DCTN4: variants seen among roughly 807,000 people sequenced by gnomAD.
DCTN4 encodes the protein dynactin subunit 4.
DCTN4 carries 23 observed loss-of-function variants against 62.7 expected under a neutral mutation model. That is an observed-to-expected ratio of 0.37 (90% CI 0.26 to 0.52). The LOEUF (loss-of-function observed/expected upper bound fraction) is 0.52, where lower values mean the gene tolerates loss of function less well. Ranked by LOEUF, DCTN4 falls within the 20% of genes least tolerant of loss-of-function variation. The pLI, the probability that DCTN4 is intolerant of heterozygous loss-of-function variation, is 0.92. For missense variants in DCTN4, 514 were observed against 580.4 expected (o/e 0.89, Z 1.18); for synonymous variants, 199 against 202.1 (o/e 0.98, Z 0.13).
intron 1 of DCTN4, among the ~76,000 whole-genome samples, chr5:150,757,718 T>C (rs1752913384): frequency 6.6e-6 from 1 of 152,250 alleles, no homozygotes; most frequent in Non-Finnish European, 1.5e-5. Context: ...ATTTAATTGC[T>C]TTTCTTGACT....
Position 150,727,700 on chromosome 5 carries a change from C to T in DCTN4, c.834+2931G>A, listed in dbSNP as rs1044145803. ...CTGAGGCAGGAGAATGGCGTGAACC[C>T]GGGAGGCGGAGCTTGCAGTGAGCCG... On this transcript the variant is annotated intron_variant, in intron 8 of 12. Coordinates refer to ENST00000447998, the MANE Select transcript of DCTN4 (RefSeq NM_016221.4). Among the ~76,000 whole-genome samples, 8 of 146,810 alleles carry T rather than the reference C, an allele frequency of 5.4e-5. No individual in the cohort carries two copies. The South Asian group carries it at 6.5e-4, about 12-fold the overall frequency.
intron 8 of DCTN4, among the ~76,000 whole-genome samples, chr5:150,730,116 G>C (rs1013471247): frequency 6.6e-6 from 1 of 152,090 alleles, no homozygotes; most frequent in Admixed American, 6.6e-5. Flanking sequence ...GCTATCATGC[G>C]GGACTGTACA....
At chr5:150,750,447 T>C (rs1382464647) in intron 3 of DCTN4, among the ~76,000 whole-genome samples, 1 of 152,206 alleles carries the variant, frequency 6.6e-6, no homozygotes, top group Non-Finnish European at 1.5e-5. Flanking sequence ...ACTGGCAATT[T>C]TACTTCTAGT....
intron 3 of DCTN4, among the ~76,000 whole-genome samples, chr5:150,743,597 A>T (rs1421558448): frequency 1.3e-5 from 2 of 152,162 alleles, no homozygotes; most frequent in East Asian, 3.9e-4. Flanking sequence ...CTCCTCTGAG[A>T]CAAAACTTCC....
At chr5:150,713,408 T>C (rs749009203) in intron 12 of DCTN4, among the ~76,000 whole-genome samples, 32 of 151,936 alleles carry the variant, frequency 2.1e-4, no homozygotes, top group Non-Finnish European at 4.0e-4. Context: ...ACTAAACTAA[T>C]CTCACCTTTG....
intron 12 of DCTN4, 126 bp from the exon 13 acceptor site, chr5:150,711,488 G>T: frequency 1.4e-6 from 1 of 736,294 alleles, no homozygotes; most frequent in Non-Finnish European, 2.2e-6. Flanking sequence ...TAAACACTTT[G>T]TTCTTAACCT....
At chr5:150,720,753 A>T (rs1759930207) in intron 9 of DCTN4, among the ~76,000 whole-genome samples, 1 of 152,230 alleles carries the variant, frequency 6.6e-6, no homozygotes, top group African/African-American at 2.4e-5. Context: ...TGTTGAGATT[A>T]CAGGCATGAG....
At position 150,733,393 on chromosome 5, in the gene DCTN4, C is replaced by A; in HGVS notation, c.512G>T (p.Arg171Ile). 6.2e-7 allele frequency: 1 copy of A among 1,613,944 alleles called. No homozygotes were observed. The highest frequency in any genetic ancestry group is 2.2e-5 in the East Asian group (1 of 44,876). Residue 171 changes from arginine to isoleucine, a missense_variant, in exon 5 of 13, where the codon AGA becomes ATA. Transcript: ENST00000447998. ...CGAAAAAGCCAGAGGCATATAGTTT[C>A]TACGTCGTGCCAGTTTCTTGCGATC... Reference protein sequence around the residue: ...ERDRKKLARRRNYMPLAFSDK... With the variant: ...ERDRKKLARRINYMPLAFSDK...
chr5:150,741,802 T>C (rs1250831737), intron 4 of DCTN4, among the ~76,000 whole-genome samples: 1 of 152,174 alleles, frequency 6.6e-6, no homozygotes, highest in Non-Finnish European at 1.5e-5. Flanking sequence ...TTTCTAAGAG[T>C]ATCTGAGAAC....
intron 4 of DCTN4, among the ~76,000 whole-genome samples, chr5:150,736,691 A>G (rs752894690): frequency 6.6e-6 from 1 of 152,152 alleles, no homozygotes; most frequent in Non-Finnish European, 1.5e-5. Flanking sequence ...CTATAAAACA[A>G]TAACACAATG....
intron 3 of DCTN4, among the ~76,000 whole-genome samples, chr5:150,746,357 G>A (rs903285497): frequency 1.1e-4 from 17 of 152,280 alleles, no homozygotes; most frequent in African/African-American, 2.9e-4. Context: ...TCTACCAGAC[G>A]TACAAGGAGG....
At chr5:150,727,421 TA>T (rs1241873017) in intron 8 of DCTN4, among the ~76,000 whole-genome samples, 4 of 152,228 alleles carry the variant, frequency 2.6e-5, no homozygotes, top group South Asian at 2.1e-4. Flanking sequence ...ATTTTAAAAT[TA>T]TTTTTTTCTA....
intron 9 of DCTN4, 78 bp from the exon 10 acceptor site, chr5:150,719,848 T>A: frequency 1.2e-6 from 1 of 862,690 alleles, no homozygotes; most frequent in Non-Finnish European, 1.8e-6. Flanking sequence ...GCTAGTGCAG[T>A]ACATAAAGGA....
At chr5:150,720,213 C>T (rs1207742419) in intron 9 of DCTN4, among the ~76,000 whole-genome samples, 1 of 152,078 alleles carries the variant, frequency 6.6e-6, no homozygotes, top group Non-Finnish European at 1.5e-5. Context: ...CATACATTAA[C>T]GTAATACGAA....
chr5:150,758,356 C>T, intron 1 of DCTN4: 1 of 986,572 alleles, frequency 1.0e-6, no homozygotes, highest in Non-Finnish European at 1.2e-6. Context: ...CCGCCCCAAC[C>T]TCTTCCCGGC....
intron 5 of DCTN4, chr5:150,731,863 A>C: frequency 6.4e-7 from 1 of 1,550,990 alleles, no homozygotes; most frequent in Non-Finnish European, 8.7e-7. Flanking sequence ...CAGGGTCAGC[A>C]AGAATCATAA....
At chr5:150,755,247 C>T (rs1752815575) in intron 2 of DCTN4, among the ~76,000 whole-genome samples, 1 of 152,038 alleles carries the variant, frequency 6.6e-6, no homozygotes, top group African/African-American at 2.4e-5. Flanking sequence ...AACAAATAAA[C>T]AAGAGGAGAA....
chr5:150,735,040 A>G (rs570151316), intron 4 of DCTN4, among the ~76,000 whole-genome samples: 2 of 152,230 alleles, frequency 1.3e-5, no homozygotes, highest in East Asian at 3.9e-4. Flanking sequence ...GTCTTTCTCT[A>G]CCTGCCCTGG....
chr5:150,720,846 A>C (rs1250071310), intron 9 of DCTN4, among the ~76,000 whole-genome samples: 1 of 152,146 alleles, frequency 6.6e-6, no homozygotes, highest in African/African-American at 2.4e-5. Context: ...CTTTTTCTCA[A>C]AGCAAGCTTA....
Sources: gnomAD v4.1 joint callset for allele counts (sites outside exome capture counted in the v4.1 genomes callset) on GRCh38, gnomAD v4.1.1 for gene constraint, MANE v1.5 for transcripts, NCBI Gene and HGNC (gene_info 2026-07-23, HGNC 2026-07-21) for gene names.